The following PIGK variants were observed in gnomAD, a reference collection of about 807,000 sequenced individuals.
PIGK encodes the protein phosphatidylinositol glycan anchor biosynthesis class K.
In PIGK, 42 loss-of-function variants were observed where a neutral mutation model predicts 50.6. The observed-to-expected ratio is 0.83, with a 90% confidence interval of 0.65 to 1.07. PIGK has a LOEUF of 1.07. Ranked by LOEUF, PIGK falls within the 50% of genes least tolerant of loss-of-function variation. The probability of loss-of-function intolerance (pLI) is 0.00; values close to 1 mark genes in which losing one functional copy is unlikely to be tolerated. For missense variants in PIGK, 448 were observed against 488.7 expected (o/e 0.92, Z 0.78); for synonymous variants, 151 against 156.0 (o/e 0.97, Z 0.24).
intron 10 of PIGK, among the ~76,000 whole-genome samples, chr1:77,108,686 T>G (rs1383503808): frequency 6.6e-6 from 1 of 152,214 alleles, no homozygotes; most frequent in African/African-American, 2.4e-5. Context: ...TGCAGAGTGT[T>G]TTCCAAGTTG....
chr1:77,170,460 T>G (rs1475703130), intron 3 of PIGK, among the ~76,000 whole-genome samples: 1 of 152,184 alleles, frequency 6.6e-6, no homozygotes. Flanking sequence ...TCTATCTTAT[T>G]GTGTGTTTTA....
At chr1:77,094,864 T>C (rs369834280) in intron 10 of PIGK, among the ~76,000 whole-genome samples, 2 of 152,162 alleles carry the variant, frequency 1.3e-5, no homozygotes, top group East Asian at 3.8e-4. Flanking sequence ...TCTAGACCGC[T>C]GATGGCCAGG....
intron 9 of PIGK, 54 bp from the exon 10 acceptor site, chr1:77,122,413 T>C (rs1031157034): frequency 8.7e-6 from 8 of 921,906 alleles, no homozygotes; most frequent in South Asian, 4.3e-5. Context: ...TTTTGAAATA[T>C]AGCAAATATT....
At chr1:77,192,393 A>G (rs1655928675) in intron 3 of PIGK, among the ~76,000 whole-genome samples, 1 of 152,214 alleles carries the variant, frequency 6.6e-6, no homozygotes, top group Non-Finnish European at 1.5e-5. Context: ...CATGAATTTG[A>G]TTTAACTATT....
chr1:77,181,964 A>G (rs1655625832), intron 3 of PIGK, among the ~76,000 whole-genome samples: 2 of 152,138 alleles, frequency 1.3e-5, no homozygotes, highest in South Asian at 4.1e-4. Flanking sequence ...GACCATCAAG[A>G]TTTTCTGAAT....
intron 5 of PIGK, 98 bp downstream of exon 5, chr1:77,166,621 C>T (rs902740451): frequency 2.8e-5 from 17 of 608,670 alleles, no homozygotes; most frequent in Middle Eastern, 4.3e-4. Flanking sequence ...CCATTTTAAC[C>T]AAAAATCATT....
intron 10 of PIGK, among the ~76,000 whole-genome samples, chr1:77,110,613 GATGGATTAAAGACTTAC>G (rs1408552022): frequency 6.6e-6 from 1 of 152,124 alleles, no homozygotes; most frequent in Non-Finnish European, 1.5e-5. Context: ...ATTAATTCAA[GATGGATTAAAGACTTAC>G]ATGTTAGAAC....
At chr1:77,116,252 C>A (rs905111290) in intron 10 of PIGK, among the ~76,000 whole-genome samples, 1 of 151,880 alleles carries the variant, frequency 6.6e-6, no homozygotes, top group Non-Finnish European at 1.5e-5. Context: ...GGCACGATCT[C>A]GGCTCACTGA....
chr1:77,104,911 G>A (rs1653630871), intron 10 of PIGK, among the ~76,000 whole-genome samples: 1 of 152,198 alleles, frequency 6.6e-6, no homozygotes, highest in African/African-American at 2.4e-5. Flanking sequence ...GTAGACAGCA[G>A]TGTGTTAGCA....
In PIGK at chr1:77,206,622, T is replaced by C; in HGVS notation, c.239+18A>G. The C allele has an allele frequency of 2.2e-6, 3 of 1,369,804 alleles. No individual in the cohort carries two copies. Among genetic ancestry groups the C allele is most frequent in the Non-Finnish European group, 3.1e-6 (3 of 960,190 alleles). The allele number at this position is 1,369,804 out of a possible 1,614,324, so 84.9% of individuals were successfully genotyped here. A position where few individuals can be genotyped will look rare whatever the true frequency, so the allele number is the denominator to read the frequency against. On this transcript the variant is annotated intron_variant, in intron 3 of 10. Transcript: ENST00000370812. ...TTTTCACTGAAGTTCAAGGTTAAGCTTTATTAAGGCTTCTTACCTGTCAGG... is the reference window on the plus strand; with the variant it reads ...TTTTCACTGAAGTTCAAGGTTAAGCCTTATTAAGGCTTCTTACCTGTCAGG...
At chr1:77,169,976 A>C (rs1369554872) in intron 3 of PIGK, among the ~76,000 whole-genome samples, 1 of 152,112 alleles carries the variant, frequency 6.6e-6, no homozygotes. Context: ...CACAAGATCC[A>C]CAAATCCACT....
intron 9 of PIGK, among the ~76,000 whole-genome samples, chr1:77,140,196 A>G (rs1384877140): frequency 3.3e-5 from 5 of 151,888 alleles, no homozygotes. Flanking sequence ...GAGTTCCCGC[A>G]AGATATGGTC....
At chr1:77,195,473 A>C (rs1656012633) in intron 3 of PIGK, 13 of 836,204 alleles carry the variant, frequency 1.6e-5, no homozygotes, top group Non-Finnish European at 2.3e-5. Flanking sequence ...CTCAGAAAAA[A>C]AGAAAAGAAT....
chr1:77,096,515 C>A (rs1025346759), intron 10 of PIGK, among the ~76,000 whole-genome samples: 2 of 152,112 alleles, frequency 1.3e-5, no homozygotes, highest in Non-Finnish European at 2.9e-5. Flanking sequence ...TCTTCCACCA[C>A]CAGGAGAAAA....
chr1:77,185,090 A>G (rs1485705365), intron 3 of PIGK, among the ~76,000 whole-genome samples: 1 of 152,184 alleles, frequency 6.6e-6, no homozygotes. Context: ...GCTTGAGCAA[A>G]TTAACACATC....
At chr1:77,155,244 C>A (rs1048431557) in intron 8 of PIGK, among the ~76,000 whole-genome samples, 1 of 152,198 alleles carries the variant, frequency 6.6e-6, no homozygotes, top group Non-Finnish European at 1.5e-5. Context: ...CACAAATACT[C>A]CAGTGCTCCA....
intron 9 of PIGK, among the ~76,000 whole-genome samples, chr1:77,147,201 T>G (rs1427713925): frequency 6.6e-6 from 1 of 152,072 alleles, no homozygotes; most frequent in Non-Finnish European, 1.5e-5. Flanking sequence ...CCATCAGATC[T>G]CGTGAGACTT....
intron 10 of PIGK, among the ~76,000 whole-genome samples, chr1:77,110,635 T>TAGAA (rs1340480057): frequency 2.0e-5 from 3 of 152,152 alleles, no homozygotes; most frequent in African/African-American, 7.2e-5. Context: ...ACTTACATGT[T>TAGAA]AGAACTAAAC....
intron 8 of PIGK, among the ~76,000 whole-genome samples, chr1:77,155,816 T>C (rs1654996432): frequency 6.6e-6 from 1 of 152,100 alleles, no homozygotes; most frequent in Non-Finnish European, 1.5e-5. Context: ...CAATCACCAA[T>C]ATGAAGGCAG....
Sources: gnomAD v4.1 joint callset for allele counts (sites outside exome capture counted in the v4.1 genomes callset) on GRCh38, gnomAD v4.1.1 for gene constraint, MANE v1.5 for transcripts, NCBI Gene and HGNC (gene_info 2026-07-23, HGNC 2026-07-21) for gene names.